Variants in XXYLT1 observed in about 807,000 individuals in gnomAD.
The protein encoded by XXYLT1 is UDP-xylose:alpha-xyloside alpha-1,3-xylosyltransferase.
In XXYLT1, 20 loss-of-function variants were observed where a neutral mutation model predicts 28.9. The observed-to-expected ratio is 0.69, with a 90% CI of 0.49 to 1.00. The LOEUF is 1.00. Ranked by LOEUF, XXYLT1 falls within the 50% of genes least tolerant of loss-of-function variation. The pLI, the probability that XXYLT1 is intolerant of heterozygous loss-of-function variation, is 0.00. For synonymous variants in XXYLT1, 257 were observed against 253.8 expected (o/e 1.01, Z -0.12); for missense variants, 542 against 560.1 (o/e 0.97, Z 0.33).
chr3:195,083,296 CTG>C (rs1715541528), intron 3 of XXYLT1, among the ~76,000 whole-genome samples: 1 of 152,190 alleles, frequency 6.6e-6, no homozygotes, highest in Non-Finnish European at 1.5e-5. Flanking sequence ...TGTGTGTAAA[CTG>C]TGAGCTGAAA....
At chr3:195,182,177 G>A (rs760671050) in intron 2 of XXYLT1, among the ~76,000 whole-genome samples, 34 of 152,130 alleles carry the variant, frequency 2.2e-4, no homozygotes, top group Non-Finnish European at 4.6e-4. Context: ...CCTCTGTGCT[G>A]GATTCTCTCG....
At chr3:195,177,147 T>C (rs567069068) in intron 2 of XXYLT1, among the ~76,000 whole-genome samples, 1 of 152,366 alleles carries the variant, frequency 6.6e-6, no homozygotes, top group Admixed American at 6.5e-5. Context: ...CTTCCCAGGC[T>C]GTCCGTGCAG....
intron 2 of XXYLT1, among the ~76,000 whole-genome samples, chr3:195,175,227 TAAGTCCTCGGAAGACAGAG>T (rs1200481967): frequency 6.6e-6 from 1 of 152,174 alleles, no homozygotes; most frequent in Non-Finnish European, 1.5e-5. Flanking sequence ...ATGCTCGGCC[TAAGTCCTCGGAAGACAGAG>T]AAGTCCTCTC....
chr3:195,247,181 C>T (rs190423328), intron 1 of XXYLT1, among the ~76,000 whole-genome samples: 461 of 152,134 alleles, frequency 3.0e-3, no homozygotes, highest in Non-Finnish European at 4.8e-3. Flanking sequence ...GGTATGGCAG[C>T]GAGGGAAAGA....
rs149635189 is a variant in XXYLT1, at chr3:195,124,265, C to T, written c.785+32184G>A. Among the ~76,000 whole-genome samples the T allele has an allele frequency of 3.7e-3, 556 of 152,254 alleles. 6 individuals carry two copies. Among genetic ancestry groups the T allele is most frequent in the African/African-American group, 0.013 (540 of 41,552 alleles). ...CTCAGGTAGAGTCCCTCATACTAAA[C>T]GGCAATGTTCTAGGTGCTTGTCAGC... is the stretch of plus-strand genomic sequence containing the variant. On this transcript the variant is annotated intron_variant, in intron 3 of 3. Coordinates refer to ENST00000310380, the MANE Select transcript of XXYLT1 (RefSeq NM_152531.5). This position sits in a 1 kb window ranked among gnomAD's most constrained non-coding sequence, Gnocchi z 4.1.
chr3:195,087,689 C>G (rs1324362592), intron 3 of XXYLT1, among the ~76,000 whole-genome samples: 1 of 152,172 alleles, frequency 6.6e-6, no homozygotes, highest in Non-Finnish European at 1.5e-5. Flanking sequence ...GCCAAGATGG[C>G]CGAATAGGAA....
chr3:195,211,744 A>G (rs1723321652), intron 2 of XXYLT1, among the ~76,000 whole-genome samples: 1 of 152,246 alleles, frequency 6.6e-6, no homozygotes, highest in African/African-American at 2.4e-5. Flanking sequence ...GATGAGCACG[A>G]TTTCACACAG....
rs114210475 is a variant in XXYLT1, at chr3:195,231,387, T to C, written c.505-4531A>G. On this transcript the variant is annotated intron_variant, in intron 1 of 3. Transcript: ENST00000310380. ...TTTGGATAGGCTTTATGTCGTTCTC[T>C]TGTCTGATTGCTCTAGCTAGGATTT... Among the ~76,000 whole-genome samples, 405 of 152,264 alleles carry C rather than the reference T, an allele frequency of 2.7e-3. 3 individuals are homozygous for C. The Middle Eastern group carries it at 0.048, about 18-fold the overall frequency.
intron 3 of XXYLT1, among the ~76,000 whole-genome samples, chr3:195,100,302 T>C (rs1716705067): frequency 6.6e-6 from 1 of 152,144 alleles, no homozygotes. Context: ...CATGGGGTCC[T>C]ATCTGGGAAA....
At chr3:195,148,266 G>A (rs1192114229) in intron 3 of XXYLT1, among the ~76,000 whole-genome samples, 2 of 152,186 alleles carry the variant, frequency 1.3e-5, no homozygotes, top group Admixed American at 6.5e-5. Context: ...CCCTTTTTAT[G>A]AGTAATTCCT....
intron 3 of XXYLT1, among the ~76,000 whole-genome samples, chr3:195,117,544 C>A (rs1718111359): frequency 1.3e-5 from 2 of 152,088 alleles, no homozygotes; most frequent in Non-Finnish European, 2.9e-5. Context: ...CTTTTATAAG[C>A]ACAGATAAAC....
At chr3:195,206,442 C>T (rs62285235) in intron 2 of XXYLT1, among the ~76,000 whole-genome samples, 2,708 of 151,054 alleles carry the variant, frequency 0.018, 42 homozygotes, top group South Asian at 0.024. Flanking sequence ...GTTAGTTTTG[C>T]TAAATGTAAT....
chr3:195,139,501 C>T (rs145671352), intron 3 of XXYLT1, among the ~76,000 whole-genome samples: 33 of 152,304 alleles, frequency 2.2e-4, no homozygotes, highest in Middle Eastern at 3.4e-3. Context: ...CAGCCACGGA[C>T]GCTTTCACAG....
chr3:195,245,818 G>A (rs767364034), intron 1 of XXYLT1, among the ~76,000 whole-genome samples: 8 of 152,126 alleles, frequency 5.3e-5, no homozygotes, highest in Non-Finnish European at 8.8e-5. Context: ...ACCTCCACCC[G>A]CCTCCACTCT....
chr3:195,117,883 G>A (rs368391409), intron 3 of XXYLT1, among the ~76,000 whole-genome samples: 6 of 152,292 alleles, frequency 3.9e-5, no homozygotes, highest in South Asian at 4.1e-4. Context: ...CAGCCTCCCC[G>A]TCGGAATAAC....
chr3:195,107,563 A>AGGAG (rs1204565624), intron 3 of XXYLT1, among the ~76,000 whole-genome samples: 3 of 2,086 alleles, frequency 1.4e-3, no homozygotes, highest in Non-Finnish European at 2.9e-3. Flanking sequence ...GAAGAGGGGG[A>AGGAG]GAGGAGGAGG....
At chr3:195,227,545 G>A (rs1014070167) in intron 1 of XXYLT1, among the ~76,000 whole-genome samples, 3 of 152,162 alleles carry the variant, frequency 2.0e-5, no homozygotes, top group Non-Finnish European at 2.9e-5. Context: ...AATCAGCTAC[G>A]GCAGAGCTTT....
chr3:195,242,486 A>C (rs1238439010), intron 1 of XXYLT1, among the ~76,000 whole-genome samples: 1 of 152,196 alleles, frequency 6.6e-6, no homozygotes, highest in Admixed American at 6.5e-5. Flanking sequence ...GATCAATGAC[A>C]TGGACACATG....
intron 1 of XXYLT1, among the ~76,000 whole-genome samples, chr3:195,262,919 GTCGGCCTA>G (rs1725737850): frequency 1.3e-5 from 2 of 152,154 alleles, no homozygotes; most frequent in Non-Finnish European, 2.9e-5. Context: ...CATATAAAAT[GTCGGCCTA>G]TCTTTTCAAA....
Sources: gnomAD v4.1 joint callset for allele counts (sites outside exome capture counted in the v4.1 genomes callset) on GRCh38, gnomAD v4.1.1 for gene constraint, Gnocchi (gnomAD v3.1) non-coding constraint, MANE v1.5 for transcripts, NCBI Gene and HGNC (gene_info 2026-07-23, HGNC 2026-07-21) for gene names.